The following NRXN3 variants were observed in gnomAD, a reference collection of about 807,000 sequenced individuals.
The protein encoded by NRXN3 is neurexin 3.
Under a neutral mutation model 137.6 loss-of-function variants are expected in NRXN3, and 32 were observed. That is an observed-to-expected ratio of 0.23 (90% CI 0.18 to 0.31). NRXN3 has a LOEUF of 0.31. Ranked by LOEUF, NRXN3 falls within the 10% of genes least tolerant of loss-of-function variation. The pLI, the probability that NRXN3 is intolerant of heterozygous loss-of-function variation, is 1.00. For missense variants in NRXN3, 1,574 were observed against 2,062.5 expected, an observed-to-expected ratio of 0.76 and a Z score of 4.59; for synonymous variants, 798 against 784.5, an observed-to-expected ratio of 1.02 and a Z score of -0.29.
intron 4 of NRXN3, among the ~76,000 whole-genome samples, chr14:78,351,491 A>G (rs898188549): frequency 1.3e-5 from 2 of 152,164 alleles, no homozygotes; most frequent in African/African-American, 4.8e-5. Context: ...AACACTTGCT[A>G]TTATGGGCCT....
intron 4 of NRXN3, among the ~76,000 whole-genome samples, chr14:78,371,380 C>G (rs2086803795): frequency 6.6e-6 from 1 of 152,134 alleles, no homozygotes; most frequent in Non-Finnish European, 1.5e-5. Context: ...CTCCATCCCC[C>G]TTCCACCTCC....
intron 19 of NRXN3, among the ~76,000 whole-genome samples, chr14:79,721,555 G>T (rs2098844633): frequency 6.6e-6 from 1 of 152,076 alleles, no homozygotes; most frequent in Non-Finnish European, 1.5e-5. Context: ...GAATCTACGG[G>T]AATGATTAGG....
intron 4 of NRXN3, among the ~76,000 whole-genome samples, chr14:78,455,843 G>C (rs2094684784): frequency 6.6e-6 from 1 of 152,110 alleles, no homozygotes; most frequent in Non-Finnish European, 1.5e-5. Context: ...TAGCTCCTCA[G>C]GGCCCAAGGA....
chr14:78,542,963 A>G (rs1322422475), intron 4 of NRXN3, among the ~76,000 whole-genome samples: 2 of 152,014 alleles, frequency 1.3e-5, no homozygotes, highest in Non-Finnish European at 2.9e-5. Context: ...TGGGTAGGAG[A>G]GGATCATCAC....
chr14:79,394,509 A>G (rs1026447484), intron 15 of NRXN3, among the ~76,000 whole-genome samples: 14 of 152,204 alleles, frequency 9.2e-5, no homozygotes, highest in African/African-American at 3.1e-4. Flanking sequence ...TTGAGGGTCT[A>G]TTAACAACCA....
chr14:78,792,454 G>A (rs2098808697), intron 8 of NRXN3, among the ~76,000 whole-genome samples: 1 of 152,008 alleles, frequency 6.6e-6, no homozygotes, highest in South Asian at 2.1e-4. Flanking sequence ...GAGAAACTGA[G>A]ATATAAAGAG....
intron 10 of NRXN3, among the ~76,000 whole-genome samples, chr14:78,859,469 CA>C (rs961683147): frequency 1.3e-5 from 2 of 152,124 alleles, no homozygotes; most frequent in African/African-American, 4.8e-5. Context: ...GTGGAGCTCG[CA>C]GTTGACCTGT....
At chr14:79,732,198 T>G (rs2098926463) in intron 19 of NRXN3, among the ~76,000 whole-genome samples, 1 of 152,172 alleles carries the variant, frequency 6.6e-6, no homozygotes, top group African/African-American at 2.4e-5. Flanking sequence ...CTCTCTGTTT[T>G]TACTGTAATG....
intron 15 of NRXN3, among the ~76,000 whole-genome samples, chr14:79,427,167 G>A (rs1264371253): frequency 6.6e-6 from 1 of 152,092 alleles, no homozygotes; most frequent in Non-Finnish European, 1.5e-5. Context: ...CAGGAGGAGA[G>A]ATGCAAAGAG....
chr14:78,506,647 T>TC (rs1367592752), intron 4 of NRXN3, among the ~76,000 whole-genome samples: 3 of 39,782 alleles, frequency 7.5e-5, no homozygotes, highest in African/African-American at 1.1e-4. Flanking sequence ...ATTGTAGTTT[T>TC]TTTTTTTTTT....
At chr14:79,709,337 G>GTATT (rs1457171939) in intron 19 of NRXN3, among the ~76,000 whole-genome samples, 1 of 152,118 alleles carries the variant, frequency 6.6e-6, no homozygotes, top group Non-Finnish European at 1.5e-5. Flanking sequence ...TTAACCCAAA[G>GTATT]TATTAATGTA....
intron 4 of NRXN3, among the ~76,000 whole-genome samples, chr14:78,620,179 T>C (rs756776348): frequency 6.6e-6 from 1 of 152,176 alleles, no homozygotes; most frequent in South Asian, 2.1e-4. Flanking sequence ...GGTATACTAA[T>C]GGTAGGGTCT....
chr14:78,819,584 A>T (rs956039435), intron 10 of NRXN3, among the ~76,000 whole-genome samples: 1 of 152,194 alleles, frequency 6.6e-6, no homozygotes, highest in Non-Finnish European at 1.5e-5. Context: ...TGGACACCAA[A>T]TTAGGACCGT....
chr14:79,782,405 T>C (rs1818902405), intron 19 of NRXN3, among the ~76,000 whole-genome samples: 1 of 152,186 alleles, frequency 6.6e-6, no homozygotes, highest in African/African-American at 2.4e-5. Flanking sequence ...TGAGTCATGG[T>C]AAGACTCTGT....
At chr14:78,995,708 C>T (rs1185716422) in intron 15 of NRXN3, among the ~76,000 whole-genome samples, 3 of 152,096 alleles carry the variant, frequency 2.0e-5, no homozygotes, top group African/African-American at 7.2e-5. Context: ...AAAAACAAAA[C>T]ACTCATGCAA....
rs1469173021 is a variant in NRXN3, at chr14:78,810,167, C to T, written c.2249-151C>T. The stretch of plus-strand genomic sequence containing the variant: ...ATAATATACTGTACATATACACCCA[C>T]CCTTAAACTTGTACATACTTTATAT... On this transcript the variant is annotated intron_variant, in intron 9 of 20. Coordinates refer to ENST00000335750, the MANE Select transcript of NRXN3 (RefSeq NM_001330195.2). 5.0e-6 allele frequency: 3 copies of T among 599,788 alleles called. No homozygotes were observed. The African/African-American group carries it at 5.9e-5, about 12-fold the overall frequency. The allele number at this position is 599,788 out of a possible 1,614,324, so 37.2% of individuals were successfully genotyped here.
At chr14:79,057,092 A>G (rs1329837633) in intron 15 of NRXN3, among the ~76,000 whole-genome samples, 1 of 152,226 alleles carries the variant, frequency 6.6e-6, no homozygotes, top group Non-Finnish European at 1.5e-5. Context: ...GAATGTATAC[A>G]TGGGTAATCT....
chr14:78,373,265 A>G (rs1192692921), intron 4 of NRXN3, among the ~76,000 whole-genome samples: 2 of 6,862 alleles, frequency 2.9e-4, no homozygotes, highest in Non-Finnish European at 1.0e-3. Flanking sequence ...GGAACAAGAA[A>G]GATGAGGTGG....
At position 78,615,934 on chromosome 14, in the gene NRXN3, TG is replaced by T. The variant is rs2097343710; in HGVS notation, c.758-29183del. The stretch of plus-strand genomic sequence containing the variant: ...ATGATTAAATCACTATACTCCAGCC[TG>T]GGTGACAAAGCAAGATCATCTCCAA... On this transcript the variant is annotated intron_variant, in intron 4 of 20. Coordinates refer to ENST00000335750, the MANE Select transcript of NRXN3 (RefSeq NM_001330195.2). 2.0e-5 allele frequency among the ~76,000 whole-genome samples: 3 copies of T among 152,320 alleles called. No homozygotes were observed. In the South Asian group the frequency reaches 6.2e-4, roughly 32 times the overall value.
Sources: allele counts gnomAD v4.1 joint callset (sites outside exome capture counted in the v4.1 genomes callset), GRCh38; gene constraint gnomAD v4.1.1; transcripts MANE v1.5; gene names NCBI Gene and HGNC (gene_info 2026-07-23, HGNC 2026-07-21).